CD177: variants seen among roughly 807,000 people sequenced by gnomAD.
CD177 encodes the protein CD177 antigen.
CD177 carries 41 observed loss-of-function variants against 38.1 expected under a neutral mutation model. That is an observed-to-expected ratio of 1.07 (90% confidence interval 0.84 to 1.39). CD177 has a LOEUF of 1.39. CD177 is among the 40% of genes most tolerant of loss of function. The pLI is 0.00. For synonymous variants in CD177, 236 were observed against 216.7 expected (o/e 1.09, Z -0.78); for missense variants, 619 against 523.8 (o/e 1.18, Z -1.77).
rs1220802275 is a variant in CD177, at chr19:43,361,148, A to T, written c.766A>T (p.Thr256Ser). 2 of 1,507,504 alleles carry T rather than the reference A, an allele frequency of 1.3e-6. 1 individual carries two copies. Among genetic ancestry groups the T allele is most frequent in the Non-Finnish European group, 1.8e-6 (2 of 1,085,030 alleles). The allele number at this position is 1,507,504 out of a possible 1,614,324, so 93.4% of individuals were successfully genotyped here. ...GCTTTCCCTCTCACCCTCAGGACTC[A>T]CATCAACCCTGGTGGGGACAAAAGG... ...ETLLLLDVGL[T>S]STLVGTKGCS... The change falls in exon 7 of 9, where the codon ACA (threonine) becomes TCA (serine). Residue 256 changes from threonine (T) to serine (S), a missense_variant. Coordinates refer to ENST00000618265, the MANE Select transcript of CD177 (RefSeq NM_020406.4).
chr19:43,363,659 C>T (rs1970004925), downstream of CD177, among the ~76,000 whole-genome samples: 1 of 152,140 alleles, frequency 6.6e-6, no homozygotes, highest in South Asian at 2.1e-4. Flanking sequence ...CATAGATCTG[C>T]CATTCACACT....
At chr19:43,360,784 A>C (rs1396115747) in intron 6 of CD177, 1 of 447,300 alleles carries the variant, frequency 2.2e-6, no homozygotes, top group African/African-American at 1.9e-5. Context: ...AGAAACAGGA[A>C]ACAAACAAAC....
chr19:43,355,226 G>C (rs1282156824), intron 3 of CD177, among the ~76,000 whole-genome samples: 1 of 142,802 alleles, frequency 7.0e-6, no homozygotes, highest in African/African-American at 2.6e-5. Context: ...CGATTCTCCT[G>C]CGTCAGCCTC....
At position 43,362,351 on chromosome 19, in the gene CD177, C is replaced by A; in HGVS notation, c.*31C>A. On this transcript the variant is annotated 3_prime_UTR_variant, in exon 9 of 9. Coordinates refer to ENST00000618265, the MANE Select transcript of CD177 (RefSeq NM_020406.4). ...TTACCCCCACGATTCTTCACCGCTG[C>A]TGACCACCCACACTCAACCTCCCTC... 9.6e-7 allele frequency: 1 copy of A among 1,042,312 alleles called. No homozygotes were observed. The highest frequency in any genetic ancestry group is 1.4e-6 in the Non-Finnish European group (1 of 706,544). 64.6% of individuals were successfully genotyped at this position (1,042,312 alleles called of 1,614,324 possible).
rs1039073957 is a variant in CD177, at chr19:43,362,133, C to T, written c.1127C>T (p.Pro376Leu). The T allele has an allele frequency of 2.5e-6, 4 of 1,613,686 alleles. No homozygotes were observed. The highest frequency in any genetic ancestry group is 3.4e-6 in the Non-Finnish European group (4 of 1,179,766). Residue 376 changes from proline to leucine, a missense_variant, in exon 9 of 9, where the codon CCT becomes CTT. Transcript: ENST00000618265. ...AGCATTCAGGGCTGCGTGGCCCAAC[C>T]TTCCAGCTTCTTGTTGAACCACACC... ...KMSIQGCVAQ[P>L]SSFLLNHTRQ...
chr19:43,361,263 G>A lies in CD177; in HGVS notation c.881G>A (p.Cys294Tyr). 1 of 1,539,422 alleles carries A rather than the reference G, an allele frequency of 6.5e-7. No individual in the cohort carries two copies. The highest frequency in any genetic ancestry group is 2.2e-5 in the East Asian group (1 of 44,646). Reference protein sequence around the residue: ...GVLVASYTHFCSSDLCNSASS... With the variant: ...GVLVASYTHFYSSDLCNSASS... Reference sequence around the variant, plus strand: ...CTTGTGGCCTCCTATACCCACTTCTGCTCCTCGGACCTGTGCAATAGTGCC... The same window carrying A: ...CTTGTGGCCTCCTATACCCACTTCTACTCCTCGGACCTGTGCAATAGTGCC... Residue 294 changes from cysteine to tyrosine, a missense_variant, in exon 7 of 9, where the codon TGC becomes TAC. Cys to Tyr is a radical substitution (Grantham distance 194). Coordinates refer to ENST00000618265, the MANE Select transcript of CD177 (RefSeq NM_020406.4).
At chr19:43,360,208 G>C in intron 5 of CD177, 57 bp from the exon 6 acceptor site, 1 of 1,588,922 alleles carries the variant, frequency 6.3e-7, no homozygotes. Context: ...CCAGGACGTG[G>C]AGGGACAGAC....
chr19:43,361,613 G>T, intron 8 of CD177, 34 bp downstream of exon 8: 1 of 1,551,784 alleles, frequency 6.4e-7, no homozygotes. Context: ...AAGGATGAAG[G>T]CACTGGTGGC....
chr19:43,353,906 T>C lies in CD177; in HGVS notation c.106T>C (p.Ser36Pro). 1.2e-6 allele frequency: 2 copies of C among 1,613,806 alleles called. No individual in the cohort carries two copies. The highest frequency in any genetic ancestry group is 2.2e-5 in the South Asian group (2 of 91,082). Reference sequence around the variant, plus strand: ...GACAGTTCAGCATGTGTGGAAGGTGTCCGACCTGCCCCGGCAATGGACCCC... The same window carrying C: ...GACAGTTCAGCATGTGTGGAAGGTGCCCGACCTGCCCCGGCAATGGACCCC... Reference protein sequence around the residue: ...FGTVQHVWKVSDLPRQWTPKN... With the variant: ...FGTVQHVWKVPDLPRQWTPKN... Residue 36 changes from serine to proline, a missense_variant, in exon 2 of 9, where the codon TCC (serine) becomes CCC (proline). Transcript: ENST00000618265.
downstream of CD177, among the ~76,000 whole-genome samples, chr19:43,363,708 C>G (rs141475477): frequency 6.6e-6 from 1 of 151,872 alleles, no homozygotes; most frequent in Non-Finnish European, 1.5e-5. Flanking sequence ...GAGAAGAGAG[C>G]GAATCTGGAG....
intron 3 of CD177, 199 bp from the exon 4 acceptor site, chr19:43,355,462 T>A (rs1969913808): frequency 1.6e-6 from 1 of 611,492 alleles, no homozygotes; most frequent in Admixed American, 2.2e-5. Context: ...GACCTCCTGT[T>A]CATTCTCCCT....
At chr19:43,364,109 C>T (rs538848028), downstream of CD177, among the ~76,000 whole-genome samples, 79 of 152,198 alleles carry the variant, frequency 5.2e-4, no homozygotes, top group African/African-American at 1.6e-3. Flanking sequence ...CAGAGTCCTC[C>T]GTACAGATGA....
In CD177 at chr19:43,354,986, T is replaced by G. The variant is rs914903305; in HGVS notation, c.379+594T>G. On this transcript the variant is annotated intron_variant, in intron 3 of 8. Transcript: ENST00000618265. Reference sequence around the variant, plus strand: ...TGTCTCCCCTCGGAAGGCCAGACTTTGTTGAAAGGTTCAGACTTGACCATG... The same window carrying G: ...TGTCTCCCCTCGGAAGGCCAGACTTGGTTGAAAGGTTCAGACTTGACCATG... 1.6e-4 allele frequency among the ~76,000 whole-genome samples: 24 copies of G among 151,380 alleles called. 1 individual carries two copies. Among genetic ancestry groups the G allele is most frequent in the East Asian group, 1.2e-3 (6 of 5,144 alleles).
chr19:43,362,231 G>T lies in CD177; in HGVS notation c.1225G>T (p.Gly409Trp). Reference protein sequence around the residue: ...QPPASQHEGGGAEGLESLTWG... With the variant: ...QPPASQHEGGWAEGLESLTWG... ...TCCTGCCTCTCAGCATGAGGGAGGT[G>T]GGGCTGAGGGCCTGGAGTCTCTCAC... Residue 409 changes from glycine (G) to tryptophan (W), a missense_variant, in exon 9 of 9, where the codon GGG (glycine) becomes TGG (tryptophan). Transcript: ENST00000618265. 1 of 1,611,406 alleles carries T rather than the reference G, an allele frequency of 6.2e-7. No homozygotes were observed. The highest frequency in any genetic ancestry group is 8.5e-7 in the Non-Finnish European group (1 of 1,177,590).
At chr19:43,355,924 C>G in intron 4 of CD177, 68 bp from the exon 5 acceptor site, 1 of 1,109,400 alleles carries the variant, frequency 9.0e-7, no homozygotes, top group East Asian at 2.6e-5. Context: ...GGAGCTATGC[C>G]TGCCTCTGAG....
intron 2 of CD177, 77 bp from the exon 3 acceptor site, chr19:43,354,130 C>T (rs925158420): frequency 6.4e-6 from 10 of 1,565,876 alleles, no homozygotes; most frequent in Admixed American, 1.8e-5. Flanking sequence ...TCTCAGCCTA[C>T]GCCGTGTAGC....
Position 43,354,245 on chromosome 19 carries a change from G to C in CD177, c.232G>C (p.Glu78Gln). 1 of 1,613,756 alleles carries C rather than the reference G, an allele frequency of 6.2e-7. No homozygotes were observed. The highest frequency in any genetic ancestry group is 8.5e-7 in the Non-Finnish European group (1 of 1,179,802). Reference sequence around the variant, plus strand: ...CCTGGTGCTCTCCAAGGGCTGCACGGAGGCCAAGGACCAGGAGCCCCGCGT... The same window carrying C: ...CCTGGTGCTCTCCAAGGGCTGCACGCAGGCCAAGGACCAGGAGCCCCGCGT... ...VSLVLSKGCT[E>Q]AKDQEPRVTE... The change falls in exon 3 of 9, where the codon GAG becomes CAG. Residue 78 changes from glutamate (E) to glutamine (Q), a missense_variant. Transcript: ENST00000618265.
intron 2 of CD177, 70 bp downstream of exon 2, chr19:43,354,063 G>A (rs1969882929): frequency 2.5e-6 from 4 of 1,577,090 alleles, no homozygotes; most frequent in South Asian, 2.3e-5. Flanking sequence ...GCAGGGACCC[G>A]GGAGCCACCC....
chr19:43,363,788 A>G (rs556857454), downstream of CD177, among the ~76,000 whole-genome samples: 40 of 152,238 alleles, frequency 2.6e-4, no homozygotes, highest in African/African-American at 7.7e-4. Context: ...CCTTTGTCCA[A>G]ATGAAAATCA....
Sources: gnomAD v4.1 joint callset for allele counts (sites outside exome capture counted in the v4.1 genomes callset) on GRCh38, gnomAD v4.1.1 for gene constraint, MANE v1.5 for transcripts, NCBI Gene and HGNC (gene_info 2026-07-23, HGNC 2026-07-21) for gene names.